ZFYVE9: variants seen among roughly 807,000 people sequenced by gnomAD.
ZFYVE9 encodes zinc finger FYVE-type containing 9, also known as zinc finger FYVE domain-containing protein 9.
ZFYVE9 carries 43 observed loss-of-function variants against 126.7 expected under a neutral mutation model. That is an observed-to-expected ratio of 0.34 (90% CI 0.27 to 0.44). The LOEUF is 0.44. Among genes scored for constraint, ZFYVE9 ranks in the 20% least tolerant of loss-of-function variants. ZFYVE9 has a pLI of 1.00. For missense variants in ZFYVE9, 1,476 were observed against 1,697.0 expected (o/e 0.87, Z 2.29); for synonymous variants, 521 against 597.4 (o/e 0.87, Z 1.87).
intron 12 of ZFYVE9, among the ~76,000 whole-genome samples, chr1:52,300,864 T>G (rs1283231229): frequency 2.2e-5 from 3 of 138,996 alleles, no homozygotes; most frequent in Non-Finnish European, 3.1e-5. Context: ...GGTTTTTTGG[T>G]TTTTTTTTTT....
chr1:52,156,951 G>C (rs980884502), intron 1 of ZFYVE9, among the ~76,000 whole-genome samples: 2 of 151,814 alleles, frequency 1.3e-5, no homozygotes, highest in African/African-American at 4.8e-5. Flanking sequence ...TCTTGCCTCA[G>C]CCTCCCGAGT....
intron 2 of ZFYVE9, among the ~76,000 whole-genome samples, chr1:52,222,193 A>T (rs1190441555): frequency 6.6e-6 from 1 of 152,212 alleles, no homozygotes; most frequent in Admixed American, 6.5e-5. Flanking sequence ...TGAGCAGGTC[A>T]TCCACATATT....
At chr1:52,322,868 G>A (rs949900512) in intron 13 of ZFYVE9, among the ~76,000 whole-genome samples, 4 of 151,838 alleles carry the variant, frequency 2.6e-5, no homozygotes, top group South Asian at 2.1e-4. Flanking sequence ...GCAGTGGCGC[G>A]ATCTCAGCTC....
At chr1:52,232,503 C>T (rs1308438828) in intron 2 of ZFYVE9, among the ~76,000 whole-genome samples, 7 of 151,922 alleles carry the variant, frequency 4.6e-5, no homozygotes, top group African/African-American at 7.2e-5. Flanking sequence ...CTGAGGTGGG[C>T]GGATCACTTG....
chr1:52,195,936 G>A (rs770892001), intron 1 of ZFYVE9, among the ~76,000 whole-genome samples: 103 of 152,074 alleles, frequency 6.8e-4, no homozygotes, highest in Non-Finnish European at 1.0e-3. Context: ...GGGACTATAG[G>A]TTCGCGGCAG....
rs1403060854 is a variant in ZFYVE9, at chr1:52,142,166, C to A, written c.-380C>A. ...CCCGCCGCAGCCTTGCGCCCCCGGC[C>A]CGGCTCGGCGGCGCTCCTCCGGGAT... On this transcript the variant is annotated 5_prime_UTR_variant, in exon 1 of 19. Transcript: ENST00000287727. The surrounding 1 kb of genome is among the most constrained non-coding windows in gnomAD (Gnocchi z 4.5). 1 of 151,444 alleles carries A rather than the reference C, an allele frequency of 6.6e-6. No homozygotes were observed. Among genetic ancestry groups the A allele is most frequent in the Non-Finnish European group, 1.5e-5 (1 of 67,772 alleles). 9.4% of individuals were successfully genotyped at this position (151,444 alleles called of 1,614,324 possible).
intron 1 of ZFYVE9, among the ~76,000 whole-genome samples, chr1:52,171,078 G>C (rs967684506): frequency 1.3e-5 from 2 of 151,616 alleles, no homozygotes; most frequent in Non-Finnish European, 2.9e-5. Context: ...GTATACATGT[G>C]CCATGCTGGT....
intron 13 of ZFYVE9, among the ~76,000 whole-genome samples, chr1:52,304,179 T>G (rs1440017970): frequency 2.0e-5 from 3 of 152,128 alleles, no homozygotes; most frequent in African/African-American, 2.4e-5. Context: ...GCATTTTGAT[T>G]AGGTCATGAA....
At chr1:52,175,199 G>C (rs1387259947) in intron 1 of ZFYVE9, among the ~76,000 whole-genome samples, 2 of 151,324 alleles carry the variant, frequency 1.3e-5, no homozygotes, top group Non-Finnish European at 2.9e-5. Context: ...GGGCAGGCCT[G>C]GTGGTGACAA....
intron 4 of ZFYVE9, chr1:52,253,910 A>C: frequency 1.9e-6 from 2 of 1,050,498 alleles, no homozygotes; most frequent in Non-Finnish European, 3.0e-6. Flanking sequence ...ATTTCAGCCA[A>C]AGTAGGAAAT....
intron 1 of ZFYVE9, among the ~76,000 whole-genome samples, chr1:52,177,550 A>G (rs1438529777): frequency 6.6e-6 from 1 of 152,222 alleles, no homozygotes; most frequent in African/African-American, 2.4e-5. Flanking sequence ...TAGAAAAAGG[A>G]ATAAGACATC....
chr1:52,281,231 C>T (rs563623920), intron 9 of ZFYVE9, among the ~76,000 whole-genome samples: 15 of 150,958 alleles, frequency 9.9e-5, no homozygotes, highest in Non-Finnish European at 2.1e-4. Flanking sequence ...CTCCCGGGTT[C>T]ACGCCATTCT....
Position 52,238,164 on chromosome 1 carries a change from C to G in ZFYVE9, c.747C>G (p.Asp249Glu). ...GTTCCCCTTCACAATTAAAGGATGA[C>G]GGAAGTATAGGTAGAGACCCCTCCA... is the stretch of plus-strand genomic sequence containing the variant. The part of the protein sequence containing the change: ...SVCSPSQLKD[D>E]GSIGRDPSMS... The change falls in exon 4 of 19, where the codon GAC becomes GAG. Residue 249 changes from aspartate to glutamate, a missense_variant. Transcript: ENST00000287727. The G allele has an allele frequency of 6.2e-7, 1 of 1,614,016 alleles. No homozygotes were observed. The highest frequency in any genetic ancestry group is 8.5e-7 in the Non-Finnish European group (1 of 1,179,956).
chr1:52,163,460 T>C (rs1030653230), intron 1 of ZFYVE9, among the ~76,000 whole-genome samples: 3 of 152,248 alleles, frequency 2.0e-5, no homozygotes, highest in Non-Finnish European at 2.9e-5. Context: ...CACTCCCACT[T>C]GGTTGCAGGC....
chr1:52,332,616 A>AT lies in ZFYVE9; in HGVS notation c.3439-145dup, dbSNP rs549811468. On this transcript the variant is annotated intron_variant, in intron 13 of 18. Transcript: ENST00000287727. ...TGTACATTGATTTGTTAATGGTGAC[A>AT]TTTTTTTACTTTGTTTCATTATTTG... The AT allele has an allele frequency of 2.4e-4, 223 of 922,586 alleles. No homozygotes were observed. The African/African-American group carries it at 2.7e-3, about 11-fold the overall frequency. The allele number at this position is 922,586 out of a possible 1,614,324, so 57.1% of individuals were successfully genotyped here.
intron 17 of ZFYVE9, among the ~76,000 whole-genome samples, chr1:52,340,652 C>T (rs1646426751): frequency 6.6e-6 from 1 of 152,152 alleles, no homozygotes; most frequent in South Asian, 2.1e-4. Context: ...GTAATCCCAG[C>T]ATTTTGGGAG....
At chr1:52,312,356 C>T (rs1486862686) in intron 13 of ZFYVE9, among the ~76,000 whole-genome samples, 1 of 152,150 alleles carries the variant, frequency 6.6e-6, no homozygotes. Context: ...CTCTATTACA[C>T]TTTGAGACTC....
intron 4 of ZFYVE9, chr1:52,252,740 T>A: frequency 2.1e-6 from 1 of 467,334 alleles, no homozygotes; most frequent in Non-Finnish European, 4.4e-6. Context: ...GCAGCAGCAA[T>A]GGTCAGTCCG....
chr1:52,206,541 G>GTT (rs1644979679), intron 1 of ZFYVE9, among the ~76,000 whole-genome samples: 1 of 151,970 alleles, frequency 6.6e-6, no homozygotes, highest in Non-Finnish European at 1.5e-5. Context: ...TGTTGTTGTT[G>GTT]TTGTTTTGTT....
Sources: allele counts gnomAD v4.1 joint callset (sites outside exome capture counted in the v4.1 genomes callset), GRCh38; gene constraint gnomAD v4.1.1; non-coding constraint Gnocchi (gnomAD v3.1); transcripts MANE v1.5; gene names NCBI Gene and HGNC (gene_info 2026-07-23, HGNC 2026-07-21).